Variants in HEXA observed in about 807,000 individuals in gnomAD.
The protein encoded by HEXA is hexosaminidase subunit alpha, also known as beta-hexosaminidase subunit alpha.
Under a neutral mutation model 73.3 loss-of-function variants are expected in HEXA, and 54 were observed. The ratio of observed to expected loss-of-function variants is 0.74; its 90% CI spans 0.59 to 0.92. The LOEUF (loss-of-function observed/expected upper bound fraction) is 0.92, where lower values mean the gene tolerates loss of function less well. HEXA is among the 40% of genes least tolerant of loss of function. The pLI is 0.00. For missense variants in HEXA, 649 were observed against 653.0 expected, an observed-to-expected ratio of 0.99 and a Z score of 0.07; for synonymous variants, 230 against 246.9, an observed-to-expected ratio of 0.93 and a Z score of 0.64.
intron 5 of HEXA, 36 bp from the exon 6 acceptor site, chr15:72,351,270 G>A (rs1397669446): frequency 2.2e-6 from 3 of 1,378,200 alleles, no homozygotes; most frequent in Non-Finnish European, 3.1e-6. Context: ...ACCCATCACA[G>A]TCTCTCCGGT....
intron 1 of HEXA, among the ~76,000 whole-genome samples, chr15:72,366,084 G>A (rs2088912662): frequency 6.6e-6 from 1 of 151,866 alleles, no homozygotes; most frequent in Non-Finnish European, 1.5e-5. Context: ...CTGAAGCCTG[G>A]CTCTCCCCAG....
intron 3 of HEXA, 98 bp from the exon 4 acceptor site, chr15:72,353,835 G>A (rs2088736308): frequency 5.6e-6 from 5 of 899,810 alleles, no homozygotes; most frequent in South Asian, 5.3e-5. Flanking sequence ...TAACATTTGG[G>A]TACACAGGGA....
chr15:72,356,040 C>T, intron 2 of HEXA: 2 of 443,632 alleles, frequency 4.5e-6, no homozygotes, highest in East Asian at 6.8e-5. Flanking sequence ...CTTTCCCCTT[C>T]CTCTATGCTT....
In HEXA at chr15:72,353,156, A is replaced by G. The variant is rs765136263; in HGVS notation, c.482T>C (p.Ile161Thr). The change falls in exon 5 of 14, where the codon ATT becomes ACT. Residue 161 changes from isoleucine (I) to threonine (T), a missense_variant. By Grantham distance (89) the Ile-to-Thr change is moderately conservative (BLOSUM62 -1). Coordinates refer to ENST00000268097, the MANE Select transcript of HEXA (RefSeq NM_000520.6). ...EGTFFINKTE[I>T]EDFPRFPHRG... is the part of the protein sequence containing the mutation. ...GTGAGGAAAGCGGGGAAAGTCCTCA[A>G]TCTCAGTCTTGTTGATAAAGAACTG... is the stretch of plus-strand genomic sequence containing the variant. 2 of 1,611,564 alleles carry G rather than the reference A, an allele frequency of 1.2e-6. No homozygotes were observed. The highest frequency in any genetic ancestry group is 2.2e-5 in the East Asian group (1 of 44,872).
At chr15:72,355,512 C>T in intron 3 of HEXA, 47 bp downstream of exon 3, 5 of 1,365,500 alleles carry the variant, frequency 3.7e-6, no homozygotes, top group Non-Finnish European at 5.2e-6. Flanking sequence ...ACCAACCTTC[C>T]CACATCATCC....
At chr15:72,355,527 T>C in intron 3 of HEXA, 32 bp downstream of exon 3, 1 of 1,490,544 alleles carries the variant, frequency 6.7e-7, no homozygotes, top group Non-Finnish European at 9.4e-7. Flanking sequence ...TCATCCTTTC[T>C]CTCTCTCTTT....
At position 72,343,237 on chromosome 15, in the gene HEXA, T is replaced by C. The variant is rs1281997370; in HGVS notation, c.*840A>G. 1 of 151,360 alleles carries C rather than the reference T, an allele frequency of 6.6e-6. No homozygotes were observed. Among genetic ancestry groups the C allele is most frequent in the Non-Finnish European group, 1.5e-5 (1 of 67,888 alleles). 9.4% of individuals were successfully genotyped at this position (151,360 alleles called of 1,614,324 possible). ...CCGTCTCAGAAAAAAAAAATATATA[T>C]ATATGAATTAGATGGACATGGTGGC... On this transcript the variant is annotated 3_prime_UTR_variant, in exon 14 of 14. Transcript: ENST00000268097.
In HEXA at chr15:72,370,096, TAAA is replaced by T. The variant is rs61329913; in HGVS notation, c.253+5621_253+5623del. 275 of 128,084 alleles carry T rather than the reference TAAA, an allele frequency of 2.1e-3. 1 individual carries two copies. The highest frequency in any genetic ancestry group is 5.9e-3 in the African/African-American group (206 of 34,634). 7.9% of individuals were successfully genotyped at this position (128,084 alleles called of 1,614,324 possible). A position where few individuals can be genotyped will look rare whatever the true frequency, so the allele number is the denominator to read the frequency against. On this transcript the variant is annotated intron_variant, in intron 1 of 13. Transcript: ENST00000268097. ...GAAATGTCTGGAAGGCAGGCAGAGT[TAAA>T]AAAAAAAAAAAAAAAAAGGAAGTAG...
In HEXA at chr15:72,344,121, G is replaced by T. The variant is rs748656870; in HGVS notation, c.1546C>A (p.Pro516Thr). ...ELLRRGVQAQ[P>T]LNVGFCEQEF... ...TGCTCACAGAAGCCTACATTGAGGG[G>T]TTGGGCCTGGACACCTCGCCTGCAA... is the stretch of plus-strand genomic sequence containing the variant. The change falls in exon 14 of 14, where the codon CCC becomes ACC. Residue 516 changes from proline (P) to threonine (T), a missense_variant. Coordinates refer to ENST00000268097, the MANE Select transcript of HEXA (RefSeq NM_000520.6). 2.5e-6 allele frequency: 4 copies of T among 1,613,914 alleles called. No individual in the cohort carries two copies. The highest frequency in any genetic ancestry group is 2.2e-5 in the East Asian group (1 of 44,868).
intron 1 of HEXA, among the ~76,000 whole-genome samples, chr15:72,368,204 T>C (rs554251312): frequency 6.6e-6 from 1 of 152,332 alleles, no homozygotes; most frequent in East Asian, 1.9e-4. Flanking sequence ...TATGAGTAAC[T>C]AGATGTTAGA....
At chr15:72,356,677 C>G (rs765540097) in intron 1 of HEXA, 60 bp from the exon 2 acceptor site, 1 of 1,608,070 alleles carries the variant, frequency 6.2e-7, no homozygotes, top group Non-Finnish European at 8.5e-7. Flanking sequence ...CAGGCAAAAC[C>G]AAGACCCTAG....
chr15:72,348,099 T>C lies in HEXA; in HGVS notation c.1022A>G (p.Lys341Arg), dbSNP rs1417593132. The change falls in exon 9 of 14, where the codon AAG becomes AGG. Residue 341 changes from lysine (K) to arginine (R), a missense_variant. Physicochemically the swap from Lys to Arg is conservative, Grantham distance 26 (BLOSUM62 2). Coordinates refer to ENST00000268097, the MANE Select transcript of HEXA (RefSeq NM_000520.6). ...SNPEIQDFMRKKGFGEDFKQL... is the reference protein window; with the variant it reads ...SNPEIQDFMRRKGFGEDFKQL... ...CTTGAAGTCCTCACCGAAGCCTTTCTTCCTCATAAAGTCCTGGATCTCTGG... is the reference window on the plus strand; with the variant it reads ...CTTGAAGTCCTCACCGAAGCCTTTCCTCCTCATAAAGTCCTGGATCTCTGG... 1 of 1,613,698 alleles carries C rather than the reference T, an allele frequency of 6.2e-7. No individual in the cohort carries two copies. The highest frequency in any genetic ancestry group is 1.7e-5 in the Admixed American group (1 of 60,024).
Position 72,343,640 on chromosome 15 carries a change from C to T in HEXA, c.*437G>A, listed in dbSNP as rs560253606. 3.0e-5 allele frequency: 7 copies of T among 231,384 alleles called. No individual in the cohort carries two copies. Among genetic ancestry groups the T allele is most frequent in the South Asian group, 1.3e-4 (2 of 15,718 alleles). 14.3% of individuals were successfully genotyped at this position (231,384 alleles called of 1,614,324 possible). A position where few individuals can be genotyped will look rare whatever the true frequency, so the allele number is the denominator to read the frequency against. ...CCCTACATCTTTTTCCATATACCAACGCCTTGGAGATATAATGCAGAAGTG... is the reference window on the plus strand; with the variant it reads ...CCCTACATCTTTTTCCATATACCAATGCCTTGGAGATATAATGCAGAAGTG... On this transcript the variant is annotated 3_prime_UTR_variant, in exon 14 of 14. Coordinates refer to ENST00000268097, the MANE Select transcript of HEXA (RefSeq NM_000520.6).
intron 1 of HEXA, chr15:72,362,338 TTTC>T: frequency 2.5e-6 from 1 of 406,236 alleles, no homozygotes; most frequent in South Asian, 1.7e-5. Context: ...TCAAAACACT[TTTC>T]TTAAGATATG....
intron 1 of HEXA, among the ~76,000 whole-genome samples, chr15:72,368,975 C>T (rs896883243): frequency 4.6e-5 from 7 of 152,194 alleles, no homozygotes; most frequent in Non-Finnish European, 1.0e-4. Context: ...GGGAAGGCTG[C>T]TTAATGACAG....
At chr15:72,353,237 G>A (rs2140326474) in intron 4 of HEXA, 59 bp from the exon 5 acceptor site, 1 of 972,632 alleles carries the variant, frequency 1.0e-6, no homozygotes, top group Non-Finnish European at 1.6e-6. Context: ...TGGGGGCACA[G>A]GGAGATGAAG....
At chr15:72,373,476 C>T (rs1456320676) in intron 1 of HEXA, among the ~76,000 whole-genome samples, 1 of 152,168 alleles carries the variant, frequency 6.6e-6, no homozygotes, top group Non-Finnish European at 1.5e-5. Context: ...GTAATGTTCA[C>T]CCAACCCAGT....
chr15:72,345,334 T>C lies in HEXA; in HGVS notation c.1526+112A>G, dbSNP rs886509268. On this transcript the variant is annotated intron_variant, in intron 13 of 13. Coordinates refer to ENST00000268097, the MANE Select transcript of HEXA (RefSeq NM_000520.6). ...TGAATCCGTGGATGAGGGCTGACTA[T>C]AAGCCTCTGTAAGTGTTAGCTATTG... 5 of 1,548,390 alleles carry C rather than the reference T, an allele frequency of 3.2e-6. No individual in the cohort carries two copies. The African/African-American group carries it at 5.4e-5, about 17-fold the overall frequency.
intron 2 of HEXA, 67 bp downstream of exon 2, chr15:72,356,458 G>C: frequency 6.4e-7 from 1 of 1,572,166 alleles, no homozygotes; most frequent in Non-Finnish European, 8.7e-7. Flanking sequence ...TTTAGGCCAG[G>C]CCATCCAGAG....
Sources: gnomAD v4.1 joint callset for allele counts (sites outside exome capture counted in the v4.1 genomes callset) on GRCh38, gnomAD v4.1.1 for gene constraint, MANE v1.5 for transcripts, NCBI Gene and HGNC (gene_info 2026-07-23, HGNC 2026-07-21) for gene names.